The following AGAP1 variants were observed in gnomAD, a reference collection of about 807,000 sequenced individuals.
AGAP1 encodes the protein arf-GAP with GTPase, ANK repeat and PH domain-containing protein 1.
AGAP1 carries 29 observed loss-of-function variants against 105.3 expected under a neutral mutation model. That is an observed-to-expected ratio of 0.28 (90% confidence interval 0.21 to 0.38). The LOEUF is 0.38. Among genes scored for constraint, AGAP1 ranks in the 10% least tolerant of loss-of-function variants. AGAP1 has a pLI of 1.00. For synonymous variants in AGAP1, 509 were observed against 485.9 expected (o/e 1.05, Z -0.63); for missense variants, 998 against 1,165.1 (o/e 0.86, Z 2.09).
At chr2:235,760,835 G>A (rs887225005) in intron 6 of AGAP1, among the ~76,000 whole-genome samples, 2 of 152,160 alleles carry the variant, frequency 1.3e-5, no homozygotes, top group Non-Finnish European at 2.9e-5. Context: ...TGATCCTCCT[G>A]TCTCAGCCTT....
At position 235,550,220 on chromosome 2, in the gene AGAP1, C is replaced by G. The variant is rs960479064; in HGVS notation, c.163+55371C>G. ...ATTATCACCGAGCACACAGGCAGCC[C>G]GAGGCACCTCCTCGTCACAGTGTTC... On this transcript the variant is annotated intron_variant, in intron 1 of 17. Coordinates refer to ENST00000304032, the MANE Select transcript of AGAP1 (RefSeq NM_001037131.3). This position sits in a 1 kb window ranked among gnomAD's most constrained non-coding sequence, Gnocchi z 4.6. Among the ~76,000 whole-genome samples the G allele has an allele frequency of 6.6e-6, 1 of 152,152 alleles. No homozygotes were observed. The highest frequency in any genetic ancestry group is 1.5e-5 in the Non-Finnish European group (1 of 68,020).
Position 236,046,025 on chromosome 2 carries a change from G to T in AGAP1, c.1892-3034G>T, listed in dbSNP as rs1005419439. 1 of 471,562 alleles carries T rather than the reference G, an allele frequency of 2.1e-6. No individual in the cohort carries two copies. Among genetic ancestry groups the T allele is most frequent in the Non-Finnish European group, 4.4e-6 (1 of 227,070 alleles). 29.2% of individuals were successfully genotyped at this position (471,562 alleles called of 1,614,324 possible). A position where few individuals can be genotyped will look rare whatever the true frequency, so the allele number is the denominator to read the frequency against. ...GGACCTGACAGCCTGGGAGCTGCTGGGGGGAGGTAGGAGGGGGTGCACCAC... is the reference window on the plus strand; with the variant it reads ...GGACCTGACAGCCTGGGAGCTGCTGTGGGGAGGTAGGAGGGGGTGCACCAC... On this transcript the variant is annotated intron_variant, in intron 15 of 17. Coordinates refer to ENST00000304032, the MANE Select transcript of AGAP1 (RefSeq NM_001037131.3). The surrounding 1 kb of genome is among the most constrained non-coding windows in gnomAD (Gnocchi z 5.2).
At position 236,005,709 on chromosome 2, in the gene AGAP1, C is replaced by T. The variant is rs962832992; in HGVS notation, c.1646-30852C>T. Among the ~76,000 whole-genome samples, 2 of 152,102 alleles carry T rather than the reference C, an allele frequency of 1.3e-5. No individual in the cohort carries two copies. The highest frequency in any genetic ancestry group is 1.5e-5 in the Non-Finnish European group (1 of 68,032). Reference sequence around the variant, plus strand: ...CTGGGCCAGGTGTATGATAGGAATCCCTCTACTGGAATTTGTGCAATGCTT... The same window carrying T: ...CTGGGCCAGGTGTATGATAGGAATCTCTCTACTGGAATTTGTGCAATGCTT... On this transcript the variant is annotated intron_variant, in intron 13 of 17. Transcript: ENST00000304032. The surrounding 1 kb of genome is among the most constrained non-coding windows in gnomAD (Gnocchi z 4.1).
chr2:235,671,072 CG>C (rs1281353280), intron 1 of AGAP1: 8 of 1,260,720 alleles, frequency 6.3e-6, no homozygotes, highest in East Asian at 6.3e-5. Flanking sequence ...GCAGCGTGGC[CG>C]GGGGTCCCGG....
chr2:235,670,430 T>G, intron 1 of AGAP1: 1 of 553,888 alleles, frequency 1.8e-6, no homozygotes, highest in Non-Finnish European at 3.3e-6. Flanking sequence ...GCTCCGGCCG[T>G]GCGCACGCGG....
At chr2:235,832,325 G>C (rs1056060569) in intron 9 of AGAP1, among the ~76,000 whole-genome samples, 1 of 152,020 alleles carries the variant, frequency 6.6e-6, no homozygotes, top group East Asian at 1.9e-4. Context: ...AGGTTCTCCA[G>C]CTTATTGATA....
At chr2:235,756,913 A>T (rs1034355113) in intron 6 of AGAP1, among the ~76,000 whole-genome samples, 1 of 151,480 alleles carries the variant, frequency 6.6e-6, no homozygotes, top group Non-Finnish European at 1.5e-5. Context: ...TCTTCCATGA[A>T]ACCAGTCCTT....
rs1224966887 is a variant in AGAP1 at position 235,737,706 on chromosome 2, A to T, written c.311-3257A>T. 1.3e-5 allele frequency among the ~76,000 whole-genome samples: 2 copies of T among 152,112 alleles called. No individual in the cohort carries two copies. Among genetic ancestry groups the T allele is most frequent in the Admixed American group, 6.5e-5 (1 of 15,272 alleles). On this transcript the variant is annotated intron_variant, in intron 3 of 17. Transcript: ENST00000304032. This position sits in a 1 kb window ranked among gnomAD's most constrained non-coding sequence, Gnocchi z 4.5. ...GGTCATCTGCCAGGGCGTCACGGTC[A>T]TTCCACGAGAGCTGGGTGGTGACGC...
rs550427965 is a variant in AGAP1, at chr2:235,914,771, C to T, written c.1324+5865C>T. Among the ~76,000 whole-genome samples, 14 of 152,168 alleles carry T rather than the reference C, an allele frequency of 9.2e-5. No homozygotes were observed. The South Asian group carries it at 2.7e-3, about 29-fold the overall frequency. On this transcript the variant is annotated intron_variant, in intron 11 of 17. Coordinates refer to ENST00000304032, the MANE Select transcript of AGAP1 (RefSeq NM_001037131.3). ...TGGGGTGGCTCTGGGTTCCTTGTGGCGGTCGTGGAGTTCAGGAGTGGGCTG... is the reference window on the plus strand; with the variant it reads ...TGGGGTGGCTCTGGGTTCCTTGTGGTGGTCGTGGAGTTCAGGAGTGGGCTG...
At chr2:236,015,657 G>A (rs2056672947) in intron 13 of AGAP1, among the ~76,000 whole-genome samples, 1 of 152,066 alleles carries the variant, frequency 6.6e-6, no homozygotes. Flanking sequence ...GGGAGGCGGG[G>A]GCATCGGGCG....
intron 9 of AGAP1, among the ~76,000 whole-genome samples, chr2:235,829,107 G>A (rs1959183134): frequency 1.3e-5 from 2 of 152,242 alleles, no homozygotes; most frequent in Admixed American, 1.3e-4. Context: ...TTGGCACCAG[G>A]ACTTTGTCTA....
Position 235,750,450 on chromosome 2 carries a change from C to T in AGAP1, c.635C>T (p.Ala212Val). ...CGGTGCACGTACTACGAGACGTGTG[C>T]TACATACGGGCTGAATGTGGAGAGG... is the stretch of plus-strand genomic sequence containing the variant. ...LKRCTYYETC[A>V]TYGLNVERVF... Residue 212 changes from alanine (A) to valine (V), a missense_variant, in exon 6 of 18, where the codon GCT (alanine) becomes GTT (valine). Ala to Val is a moderately conservative substitution (Grantham distance 64). Coordinates refer to ENST00000304032, the MANE Select transcript of AGAP1 (RefSeq NM_001037131.3). This position sits in a 1 kb window ranked among gnomAD's most constrained non-coding sequence, Gnocchi z 5.3. 1 of 1,614,214 alleles carries T rather than the reference C, an allele frequency of 6.2e-7. No homozygotes were observed. Among genetic ancestry groups the T allele is most frequent in the Non-Finnish European group, 8.5e-7 (1 of 1,180,036 alleles).
intron 16 of AGAP1, among the ~76,000 whole-genome samples, chr2:236,066,794 T>TC (rs944593500): frequency 6.6e-6 from 1 of 152,114 alleles, no homozygotes; most frequent in Admixed American, 6.6e-5. Flanking sequence ...ACTTCCCCTG[T>TC]CCCCCCTCCT....
intron 4 of AGAP1, among the ~76,000 whole-genome samples, chr2:235,742,331 A>G (rs1409410157): frequency 6.6e-6 from 1 of 152,176 alleles, no homozygotes; most frequent in Admixed American, 6.5e-5. Context: ...GACCATTAAG[A>G]TGTACCAGTA....
intron 10 of AGAP1, among the ~76,000 whole-genome samples, chr2:235,886,894 CG>C (rs139365696): frequency 0.022 from 3,363 of 152,182 alleles, 113 homozygotes; most frequent in African/African-American, 0.077. Flanking sequence ...CATACGAGTC[CG>C]TTCTGTTGTG....
At chr2:235,761,293 G>A (rs143778512) in intron 6 of AGAP1, among the ~76,000 whole-genome samples, 2 of 152,234 alleles carry the variant, frequency 1.3e-5, no homozygotes, top group Admixed American at 6.5e-5. Context: ...TACTAGAAAC[G>A]TTAAGTGTGC....
chr2:235,921,462 T>C (rs1020882683), intron 11 of AGAP1, among the ~76,000 whole-genome samples: 1 of 152,198 alleles, frequency 6.6e-6, no homozygotes, highest in African/African-American at 2.4e-5. Context: ...ATTTTAACAG[T>C]ACAACAAAAT....
intron 1 of AGAP1, among the ~76,000 whole-genome samples, chr2:235,498,647 C>T (rs1056784941): frequency 3.5e-4 from 54 of 152,222 alleles, no homozygotes; most frequent in African/African-American, 1.3e-3. Flanking sequence ...AGCAGTCACA[C>T]ATCGTAATTC....
intron 9 of AGAP1, among the ~76,000 whole-genome samples, chr2:235,834,125 C>G (rs1474959644): frequency 6.6e-6 from 1 of 152,158 alleles, no homozygotes; most frequent in African/African-American, 2.4e-5. Context: ...CCGGTTGGAA[C>G]AGCTGATGGT....
Sources: gnomAD v4.1 joint callset for allele counts (sites outside exome capture counted in the v4.1 genomes callset) on GRCh38, gnomAD v4.1.1 for gene constraint, Gnocchi (gnomAD v3.1) non-coding constraint, MANE v1.5 for transcripts, NCBI Gene and HGNC (gene_info 2026-07-23, HGNC 2026-07-21) for gene names.